MAPKAPK5: variants seen among roughly 807,000 people sequenced by gnomAD.
MAPKAPK5 encodes the protein MAPK activated protein kinase 5.
Under a neutral mutation model 65.1 loss-of-function variants are expected in MAPKAPK5, and 30 were observed. That is an observed-to-expected ratio of 0.46 (90% CI 0.34 to 0.63). MAPKAPK5 has a LOEUF of 0.63. Among genes scored for constraint, MAPKAPK5 ranks in the 20% least tolerant of loss-of-function variants. The pLI, the probability that MAPKAPK5 is intolerant of heterozygous loss-of-function variation, is 0.01. For synonymous variants in MAPKAPK5, 179 were observed against 204.6 expected (o/e 0.87, Z 1.07); for missense variants, 433 against 581.4 (o/e 0.74, Z 2.63).
chr12:111,844,947 G>T (rs544975999), intron 1 of MAPKAPK5, among the ~76,000 whole-genome samples: 3 of 152,322 alleles, frequency 2.0e-5, no homozygotes, highest in South Asian at 4.1e-4. Context: ...GGGAAGCAAG[G>T]CACTTAGGGC....
chr12:111,868,540 A>G (rs1236042361), intron 4 of MAPKAPK5, among the ~76,000 whole-genome samples: 1 of 152,206 alleles, frequency 6.6e-6, no homozygotes, highest in African/African-American at 2.4e-5. Context: ...GGAAGCATAT[A>G]TGAAAGAATG....
At chr12:111,866,610 G>T (rs2069621954) in intron 3 of MAPKAPK5, among the ~76,000 whole-genome samples, 1 of 152,184 alleles carries the variant, frequency 6.6e-6, no homozygotes, top group Non-Finnish European at 1.5e-5. Flanking sequence ...GATGTTTCTA[G>T]TTTGTTTCTT....
chr12:111,862,585 C>T (rs1290290658), intron 1 of MAPKAPK5, among the ~76,000 whole-genome samples: 1 of 152,092 alleles, frequency 6.6e-6, no homozygotes, highest in East Asian at 1.9e-4. Flanking sequence ...ACTGTAATCC[C>T]AGCTACTTGG....
In MAPKAPK5 at chr12:111,867,639, G is replaced by T; in HGVS notation, c.254G>T (p.Ser85Ile). 6.2e-7 allele frequency: 1 copy of T among 1,613,892 alleles called. No individual in the cohort carries two copies. Among genetic ancestry groups the T allele is most frequent in the Non-Finnish European group, 8.5e-7 (1 of 1,179,862 alleles). ...CAGATTATTGAAGTGTTTGCTAACA[G>T]TGTCCAGTTTCCCCATGAGTCCAGC... ...IVQIIEVFAN[S>I]VQFPHESSPR... The change falls in exon 4 of 14, where the codon AGT becomes ATT. Residue 85 changes from serine (S) to isoleucine (I), a missense_variant. Physicochemically the swap from Ser to Ile is moderately radical, Grantham distance 142 (BLOSUM62 -2). Coordinates refer to ENST00000550735, the MANE Select transcript of MAPKAPK5 (RefSeq NM_003668.4).
At chr12:111,892,810 G>A (rs1270241860) in intron 13 of MAPKAPK5, among the ~76,000 whole-genome samples, 157 bp from the exon 14 acceptor site, 3 of 152,156 alleles carry the variant, frequency 2.0e-5, no homozygotes, top group Admixed American at 1.3e-4. Context: ...CCTGAAAAAT[G>A]GGGGATCTGA....
At position 111,899,734 on chromosome 12, in the gene MAPKAPK5, T is replaced by C. The variant is rs2070957266; in HGVS notation, c.*6673T>C. Reference sequence around the variant, plus strand: ...TACATAGAAGGAGTGTCAGGTTCTTTTGTTTCTGTCAACATCTGTGCAGGT... The same window carrying C: ...TACATAGAAGGAGTGTCAGGTTCTTCTGTTTCTGTCAACATCTGTGCAGGT... On this transcript the variant is annotated 3_prime_UTR_variant, in exon 14 of 14. Coordinates refer to ENST00000550735, the MANE Select transcript of MAPKAPK5 (RefSeq NM_003668.4). 2 of 330,278 alleles carry C rather than the reference T, an allele frequency of 6.1e-6. No homozygotes were observed. Among genetic ancestry groups the C allele is most frequent in the African/African-American group, 2.2e-5 (1 of 46,468 alleles). 20.5% of individuals were successfully genotyped at this position (330,278 alleles called of 1,614,324 possible).
intron 1 of MAPKAPK5, among the ~76,000 whole-genome samples, chr12:111,848,152 C>T (rs2068959734): frequency 6.6e-6 from 1 of 152,168 alleles, no homozygotes; most frequent in Non-Finnish European, 1.5e-5. Flanking sequence ...TTTTAAGAAA[C>T]CACCGAACTG....
chr12:111,845,122 T>C (rs553784843), intron 1 of MAPKAPK5, among the ~76,000 whole-genome samples: 1 of 152,090 alleles, frequency 6.6e-6, no homozygotes, highest in African/African-American at 2.4e-5. Context: ...TCAGTTGAAA[T>C]CTCACCCTAT....
At position 111,842,616 on chromosome 12, in the gene MAPKAPK5, C is replaced by T. The variant is rs566789178; in HGVS notation, c.-118C>T. 4 of 625,022 alleles carry T rather than the reference C, an allele frequency of 6.4e-6. No individual in the cohort carries two copies. The Admixed American group carries it at 1.3e-4, about 21-fold the overall frequency. The allele number at this position is 625,022 out of a possible 1,614,324, so 38.7% of individuals were successfully genotyped here. On this transcript the variant is annotated 5_prime_UTR_variant, in exon 1 of 14. Transcript: ENST00000550735. ...CCCCACCGGTCCCGAGGGGCGGCTG[C>T]TGCCCGTCGCCACGAGGCCCAGGGG...
chr12:111,851,094 C>T (rs1184275403), intron 1 of MAPKAPK5, among the ~76,000 whole-genome samples: 2 of 152,044 alleles, frequency 1.3e-5, no homozygotes, highest in African/African-American at 4.8e-5. Flanking sequence ...GACAGGGTTT[C>T]AGCATGTTGG....
rs2070553072 is a variant in MAPKAPK5, at chr12:111,890,097, G to A, written c.1274G>A (p.Arg425Gln). 3.1e-6 allele frequency: 5 copies of A among 1,599,484 alleles called. No homozygotes were observed. The highest frequency in any genetic ancestry group is 1.3e-5 in the African/African-American group (1 of 74,672). Residue 425 changes from arginine (R) to glutamine (Q), a missense_variant, in exon 13 of 14, where the codon CGG (arginine) becomes CAG (glutamine). Coordinates refer to ENST00000550735, the MANE Select transcript of MAPKAPK5 (RefSeq NM_003668.4). ...EVMQEAWKYN[R>Q]ECKLLRDTLQ... The stretch of plus-strand genomic sequence containing the variant: ...ATGCAGGAGGCTTGGAAGTATAACC[G>A]GGAATGCAAACTCCTAAGAGATACT...
rs12231873 is a variant in MAPKAPK5, at chr12:111,894,111, C to T, written c.*1050C>T. On this transcript the variant is annotated 3_prime_UTR_variant, in exon 14 of 14. Transcript: ENST00000550735. The stretch of plus-strand genomic sequence containing the variant: ...AGGGTGGAGTGCAGTGGCACGATCT[C>T]GGCTCACTGCAACCTCTGTCTCCCA... 0.054 allele frequency: 8,308 copies of T among 153,376 alleles called. 1,210 individuals carry two copies. In the East Asian group the frequency reaches 0.59, roughly 11 times the overall value. The allele number at this position is 153,376 out of a possible 1,614,324, so 9.5% of individuals were successfully genotyped here. A position where few individuals can be genotyped will look rare whatever the true frequency, so the allele number is the denominator to read the frequency against.
Position 111,900,781 on chromosome 12 carries a change from C to T in MAPKAPK5, c.*7720C>T, listed in dbSNP as rs1313309750. 1 of 456,004 alleles carries T rather than the reference C, an allele frequency of 2.2e-6. No homozygotes were observed. The highest frequency in any genetic ancestry group is 2.0e-5 in the African/African-American group (1 of 50,090). The allele number at this position is 456,004 out of a possible 1,614,324, so 28.2% of individuals were successfully genotyped here. ...GATCTCCCAGAATTTTGCAATGGTA[C>T]ATCTGCATTATGCCCCAACAACAGG... On this transcript the variant is annotated 3_prime_UTR_variant, in exon 14 of 14. Coordinates refer to ENST00000550735, the MANE Select transcript of MAPKAPK5 (RefSeq NM_003668.4).
At chr12:111,888,741 A>G (rs1242361775) in intron 11 of MAPKAPK5, 123 bp downstream of exon 11, 58 of 1,516,972 alleles carry the variant, frequency 3.8e-5, no homozygotes, top group Non-Finnish European at 1.6e-5. Context: ...GGTGGAGAGG[A>G]TAAGTTCTTT....
intron 1 of MAPKAPK5, among the ~76,000 whole-genome samples, chr12:111,862,740 T>C (rs2069482868): frequency 6.6e-6 from 1 of 152,092 alleles, no homozygotes; most frequent in African/African-American, 2.4e-5. Context: ...GACAACTTAT[T>C]TTTACATCCG....
At chr12:111,844,134 G>A (rs2068830893) in intron 1 of MAPKAPK5, among the ~76,000 whole-genome samples, 1 of 151,516 alleles carries the variant, frequency 6.6e-6, no homozygotes, top group African/African-American at 2.4e-5. Context: ...AGGAAGACGA[G>A]GTTTTAAATC....
intron 1 of MAPKAPK5, among the ~76,000 whole-genome samples, chr12:111,856,998 CATCTTTA>C: frequency 6.6e-6 from 1 of 152,132 alleles, no homozygotes; most frequent in South Asian, 2.1e-4. Flanking sequence ...TTATAATATG[CATCTTTA>C]ATTTATCACA....
Position 111,883,687 on chromosome 12 carries a change from G to C in MAPKAPK5, c.767G>C (p.Arg256Thr). ...HSRTIPKDMR[R>T]KIMTGSFEFP... is the part of the protein sequence containing the mutation. ...CGGACTATCCCAAAGGATATGCGAA[G>C]AAAGATCATGACAGGCAGTTTTGAG... The change falls in exon 9 of 14, where the codon AGA becomes ACA. Residue 256 changes from arginine to threonine, a missense_variant. Physicochemically the swap from Arg to Thr is moderately conservative, Grantham distance 71 (BLOSUM62 -1). Coordinates refer to ENST00000550735, the MANE Select transcript of MAPKAPK5 (RefSeq NM_003668.4). The surrounding 1 kb of genome is among the most constrained non-coding windows in gnomAD (Gnocchi z 4.8). 1 of 1,613,986 alleles carries C rather than the reference G, an allele frequency of 6.2e-7. No individual in the cohort carries two copies. Among genetic ancestry groups the C allele is most frequent in the Non-Finnish European group, 8.5e-7 (1 of 1,179,888 alleles).
intron 1 of MAPKAPK5, among the ~76,000 whole-genome samples, chr12:111,861,540 C>CT (rs1367004725): frequency 6.6e-6 from 1 of 152,060 alleles, no homozygotes; most frequent in Non-Finnish European, 1.5e-5. Context: ...GTTGGTCAGG[C>CT]TGGTCTCGAA....
Sources: gnomAD v4.1 joint callset for allele counts (sites outside exome capture counted in the v4.1 genomes callset) on GRCh38, gnomAD v4.1.1 for gene constraint, Gnocchi (gnomAD v3.1) non-coding constraint, MANE v1.5 for transcripts, NCBI Gene and HGNC (gene_info 2026-07-23, HGNC 2026-07-21) for gene names.